C6orf132: variants seen among roughly 807,000 people sequenced by gnomAD.
C6orf132 encodes uncharacterized protein C6orf132.
A neutral mutation model predicts 65.3 loss-of-function variants in C6orf132; 43 were observed. The ratio of observed to expected loss-of-function variants is 0.66; its 90% CI spans 0.52 to 0.85. The LOEUF (loss-of-function observed/expected upper bound fraction) is 0.85, where lower values mean the gene tolerates loss of function less well. C6orf132 is among the 40% of genes least tolerant of loss of function. The probability of loss-of-function intolerance (pLI) is 0.00; values close to 1 mark genes in which losing one functional copy is unlikely to be tolerated. For missense variants in C6orf132, 1,488 were observed against 1,548.8 expected (o/e 0.96, Z 0.66); for synonymous variants, 631 against 654.1 (o/e 0.96, Z 0.54).
At position 42,107,176 on chromosome 6, in the gene C6orf132, C is replaced by A; in HGVS notation, c.736G>T (p.Gly246Trp). 1 of 1,426,674 alleles carries A rather than the reference C, an allele frequency of 7.0e-7. No individual in the cohort carries two copies. Among genetic ancestry groups the A allele is most frequent in the Non-Finnish European group, 9.1e-7 (1 of 1,094,692 alleles). 88.4% of individuals were successfully genotyped at this position (1,426,674 alleles called of 1,614,324 possible). A position where few individuals can be genotyped will look rare whatever the true frequency, so the allele number is the denominator to read the frequency against. The change falls in exon 4 of 5, where the codon GGG becomes TGG. Residue 246 changes from glycine to tryptophan, a missense_variant. Transcript: ENST00000341865. ...CCCCCAGGGGGAAAGAGACGAGTCC[C>A]CACTGTGTGAGGAGATGCTGGAGCT... ...PPAPASPHTV[G>W]TRLFPPGGVT... is the part of the protein sequence containing the mutation.
chr6:42,133,794 A>G (rs1766893903), intron 1 of C6orf132, among the ~76,000 whole-genome samples: 1 of 85,444 alleles, frequency 1.2e-5, no homozygotes, highest in African/African-American at 7.1e-5. Flanking sequence ...TCTCCCTAAC[A>G]ATTTCTCCCT....
At position 42,104,359 on chromosome 6, in the gene C6orf132, G is replaced by C; in HGVS notation, c.3449+104C>G. ...CGCGTTCTACCTGCAAGGCCGAAGG[G>C]AGAAAACCAAATGTTTTCTCTTGAC... On this transcript the variant is annotated intron_variant, in intron 4 of 4. Coordinates refer to ENST00000341865, the MANE Select transcript of C6orf132 (RefSeq NM_001164446.3). The surrounding 1 kb of genome is among the most constrained non-coding windows in gnomAD (Gnocchi z 4.1). 1 of 1,223,212 alleles carries C rather than the reference G, an allele frequency of 8.2e-7. No homozygotes were observed. The highest frequency in any genetic ancestry group is 1.0e-6 in the Non-Finnish European group (1 of 982,800). The allele number at this position is 1,223,212 out of a possible 1,614,324, so 75.8% of individuals were successfully genotyped here. A position where few individuals can be genotyped will look rare whatever the true frequency, so the allele number is the denominator to read the frequency against.
chr6:42,112,367 A>T (rs1766509464), intron 2 of C6orf132, among the ~76,000 whole-genome samples: 1 of 152,208 alleles, frequency 6.6e-6, no homozygotes, highest in Non-Finnish European at 1.5e-5. Flanking sequence ...CTCTAGGATG[A>T]TGGAACAGGG....
chr6:42,130,112 A>G (rs927705108), intron 1 of C6orf132, among the ~76,000 whole-genome samples: 19 of 152,206 alleles, frequency 1.2e-4, no homozygotes, highest in Admixed American at 5.2e-4. Context: ...TGCCCTCCCA[A>G]GGCAGGAAGC....
At chr6:42,126,134 T>G (rs1379978547) in intron 2 of C6orf132, among the ~76,000 whole-genome samples, 10 of 152,058 alleles carry the variant, frequency 6.6e-5, no homozygotes, top group Non-Finnish European at 1.5e-4. Context: ...CAGGCTGGAG[T>G]GCAGTGGTGC....
rs1412390817 is a variant in C6orf132 at position 42,104,953 on chromosome 6, G to C, written c.2959C>G (p.Pro987Ala). 6.7e-7 allele frequency: 1 copy of C among 1,483,462 alleles called. No individual in the cohort carries two copies. Among genetic ancestry groups the C allele is most frequent in the East Asian group, 2.5e-5 (1 of 40,362 alleles). The allele number at this position is 1,483,462 out of a possible 1,614,324, so 91.9% of individuals were successfully genotyped here. A position where few individuals can be genotyped will look rare whatever the true frequency, so the allele number is the denominator to read the frequency against. Residue 987 changes from proline to alanine, a missense_variant, in exon 4 of 5, where the codon CCA (proline) becomes GCA (alanine). Pro to Ala is a conservative substitution (Grantham distance 27, BLOSUM62 -1). Coordinates refer to ENST00000341865, the MANE Select transcript of C6orf132 (RefSeq NM_001164446.3). The surrounding 1 kb of genome is among the most constrained non-coding windows in gnomAD (Gnocchi z 4.1). ...TCATTGCTGAACTCTGGCGGCGGTG[G>C]GATGACCTCGAAGTTGAACTCCTCC... The part of the protein sequence containing the change: ...EEEEFNFEVI[P>A]PPPEFSNDPE...
At chr6:42,115,939 T>C (rs1432414109) in intron 2 of C6orf132, among the ~76,000 whole-genome samples, 3 of 145,968 alleles carry the variant, frequency 2.1e-5, no homozygotes, top group Admixed American at 1.4e-4. Flanking sequence ...TTTTTCTTTT[T>C]TTTTTTTTTT....
Position 42,106,287 on chromosome 6 carries a change from G to T in C6orf132, c.1625C>A (p.Ala542Asp), listed in dbSNP as rs1766405293. 2.0e-6 allele frequency: 3 copies of T among 1,536,816 alleles called. No individual in the cohort carries two copies. The African/African-American group carries it at 4.1e-5, about 21-fold the overall frequency. The change falls in exon 4 of 5, where the codon GCT becomes GAT. Residue 542 changes from alanine (A) to aspartate (D), a missense_variant. Physicochemically the swap from Ala to Asp is moderately radical, Grantham distance 126. Transcript: ENST00000341865. ...AGAGGGCAGGGTCAGGCTGGGGGCA[G>T]CCTCTGTCTCTGTCAGGCTGCTGCC... ...LGGSSLTETE[A>D]APSLTLPSVD...
chr6:42,142,195 T>C (rs1767045993), intron 1 of C6orf132, 105 bp downstream of exon 1: 2 of 1,313,050 alleles, frequency 1.5e-6, no homozygotes, highest in East Asian at 5.1e-5. Flanking sequence ...AGTCCGCAGG[T>C]TCCAACGTGT....
At chr6:42,126,461 G>C (rs893140464) in intron 2 of C6orf132, 1 of 154,446 alleles carries the variant, frequency 6.5e-6, no homozygotes, top group Non-Finnish European at 1.4e-5. Context: ...TGGTAGAGGT[G>C]TGTCAACTCT....
At chr6:42,127,475 C>T (rs550145329) in intron 2 of C6orf132, among the ~76,000 whole-genome samples, 17 of 152,018 alleles carry the variant, frequency 1.1e-4, no homozygotes, top group South Asian at 2.1e-4. Context: ...AGAAAAAAAC[C>T]GGTGATGGGG....
rs912336050 is a variant in C6orf132 at position 42,130,419 on chromosome 6, C to T, written c.146-1641G>A. Among the ~76,000 whole-genome samples, 6 of 152,194 alleles carry T rather than the reference C, an allele frequency of 3.9e-5. No individual in the cohort carries two copies. In the South Asian group the frequency reaches 6.2e-4, roughly 16 times the overall value. On this transcript the variant is annotated intron_variant, in intron 1 of 4. Transcript: ENST00000341865. ...CAATTCCCTCACTTCCGAGAGTCTG[C>T]GTGTTGACACTAGGATCTCCTGGGG... is the stretch of plus-strand genomic sequence containing the variant.
chr6:42,130,766 CTTTT>C, intron 1 of C6orf132, among the ~76,000 whole-genome samples: 1 of 150,856 alleles, frequency 6.6e-6, no homozygotes, highest in South Asian at 2.1e-4. Context: ...TACTGAGCAT[CTTTT>C]TTTTATCTTT....
chr6:42,136,614 T>C (rs1766947776), intron 1 of C6orf132, among the ~76,000 whole-genome samples: 1 of 152,200 alleles, frequency 6.6e-6, no homozygotes, highest in Non-Finnish European at 1.5e-5. Context: ...ACCCCCTGCC[T>C]TTCAGGGAAG....
chr6:42,105,732 G>A lies in C6orf132; in HGVS notation c.2180C>T (p.Thr727Ile), dbSNP rs569931106. ...PEKPASQEVS[T>I]PSQARGEGSP... ...CCCCTCTCCCCTTGCCTGGGAGGGA[G>A]TGGAAACTTCTTGAGATGCTGGCTT... Residue 727 changes from threonine (T) to isoleucine (I), a missense_variant, in exon 4 of 5, where the codon ACT (threonine) becomes ATT (isoleucine). Transcript: ENST00000341865. 15 of 1,537,342 alleles carry A rather than the reference G, an allele frequency of 9.8e-6. No homozygotes were observed. In the South Asian group the frequency reaches 1.2e-4, roughly 12 times the overall value.
chr6:42,124,314 A>G lies in C6orf132; in HGVS notation c.252+4358T>C, dbSNP rs1766733611. ...CTTCGTAATTCCCAGCACCCACAGC[A>G]CACAGAACAAGGGAACTCTGGGGAA... On this transcript the variant is annotated intron_variant, in intron 2 of 4. Coordinates refer to ENST00000341865, the MANE Select transcript of C6orf132 (RefSeq NM_001164446.3). The surrounding 1 kb of genome is among the most constrained non-coding windows in gnomAD (Gnocchi z 4.0). Among the ~76,000 whole-genome samples the G allele has an allele frequency of 6.6e-6, 1 of 152,196 alleles. No individual in the cohort carries two copies. Among genetic ancestry groups the G allele is most frequent in the Non-Finnish European group, 1.5e-5 (1 of 68,034 alleles).
intron 1 of C6orf132, among the ~76,000 whole-genome samples, chr6:42,137,764 C>T (rs371928509): frequency 2.3e-4 from 33 of 146,608 alleles, no homozygotes; most frequent in African/African-American, 6.3e-4. Context: ...AAAGGCTGGG[C>T]GCGGTGGCTC....
intron 2 of C6orf132, among the ~76,000 whole-genome samples, chr6:42,128,088 TA>T (rs1759905733): frequency 7.0e-6 from 1 of 141,942 alleles, no homozygotes; most frequent in East Asian, 2.1e-4. Context: ...CTACACCGGC[TA>T]TTTTTTTTTT....
chr6:42,128,649 C>T, intron 2 of C6orf132, 23 bp downstream of exon 2: 2 of 1,541,550 alleles, frequency 1.3e-6, no homozygotes, highest in Non-Finnish European at 1.8e-6. Context: ...GACTCTCCAA[C>T]CTCAGAGCAG....
Sources: allele counts gnomAD v4.1 joint callset (sites outside exome capture counted in the v4.1 genomes callset), GRCh38; gene constraint gnomAD v4.1.1; non-coding constraint Gnocchi (gnomAD v3.1); transcripts MANE v1.5; gene names NCBI Gene and HGNC (gene_info 2026-07-23, HGNC 2026-07-21).